IP6K1: variants seen among roughly 807,000 people sequenced by gnomAD.
IP6K1 encodes the protein ATP:1D-myo-inositol-hexakisphosphate phosphotransferase.
Under a neutral mutation model 38.3 loss-of-function variants are expected in IP6K1, and 13 were observed. The ratio of observed to expected loss-of-function variants is 0.34; its 90% CI spans 0.22 to 0.54. IP6K1 has a LOEUF of 0.54. Ranked by LOEUF, IP6K1 falls within the 20% of genes least tolerant of loss-of-function variation. The pLI is 0.92. For missense variants in IP6K1, 397 were observed against 599.8 expected, an observed-to-expected ratio of 0.66 and a Z score of 3.53; for synonymous variants, 212 against 229.9, an observed-to-expected ratio of 0.92 and a Z score of 0.70.
intron 1 of IP6K1, among the ~76,000 whole-genome samples, chr3:49,783,887 AAGTGC>A (rs2081089314): frequency 6.6e-6 from 1 of 152,146 alleles, no homozygotes; most frequent in African/African-American, 2.4e-5. Flanking sequence ...CTTGCCTCAC[AAGTGC>A]AGTATAAACT....
intron 1 of IP6K1, among the ~76,000 whole-genome samples, chr3:49,785,041 CAAG>C (rs1456950811): frequency 1.3e-5 from 2 of 152,144 alleles, no homozygotes; most frequent in Non-Finnish European, 1.5e-5. Flanking sequence ...TGACCACATA[CAAG>C]AAGACTGTAC....
chr3:49,745,976 T>C (rs983008901), intron 2 of IP6K1, among the ~76,000 whole-genome samples: 9 of 152,098 alleles, frequency 5.9e-5, no homozygotes, highest in Middle Eastern at 3.2e-3. Context: ...CATCATTCGT[T>C]AGACATTAGG....
At chr3:49,775,653 CT>C in intron 1 of IP6K1, 1 of 650,654 alleles carries the variant, frequency 1.5e-6, no homozygotes, top group East Asian at 3.8e-5. Context: ...CATCAAGCTG[CT>C]GCAGCGGCTA....
Position 49,759,314 on chromosome 3 carries a change from G to A in IP6K1, c.-128-11146C>T, listed in dbSNP as rs116487323. Reference sequence around the variant, plus strand: ...AAATTCTTCAGACACAGACACAGATGTATTCAGCTGCAGTTAGAGACTAAG... The same window carrying A: ...AAATTCTTCAGACACAGACACAGATATATTCAGCTGCAGTTAGAGACTAAG... On this transcript the variant is annotated intron_variant, in intron 1 of 5. Transcript: ENST00000321599. Among the ~76,000 whole-genome samples, 1,385 of 152,270 alleles carry A rather than the reference G, an allele frequency of 9.1e-3. 19 individuals are homozygous for A. Among genetic ancestry groups the A allele is most frequent in the African/African-American group, 0.032 (1,330 of 41,552 alleles).
intron 1 of IP6K1, among the ~76,000 whole-genome samples, chr3:49,778,017 CTTTT>C (rs904594984): frequency 6.8e-6 from 1 of 146,696 alleles, no homozygotes; most frequent in African/African-American, 2.5e-5. Context: ...AGTGAAATGA[CTTTT>C]TTTTTTTAAG....
chr3:49,779,239 T>C (rs541103599), intron 1 of IP6K1, among the ~76,000 whole-genome samples: 26 of 152,354 alleles, frequency 1.7e-4, no homozygotes, highest in Non-Finnish European at 3.1e-4. Flanking sequence ...TGTGAACTTT[T>C]GTATCTGACT....
chr3:49,773,480 G>A (rs1009852726), intron 1 of IP6K1, among the ~76,000 whole-genome samples: 5 of 152,166 alleles, frequency 3.3e-5, no homozygotes, highest in South Asian at 2.1e-4. Context: ...GCGTGGTGGC[G>A]GGCGCCTGTA....
chr3:49,727,734 G>T lies in IP6K1; in HGVS notation c.793-79C>A. 6.8e-7 allele frequency: 1 copy of T among 1,459,968 alleles called. No homozygotes were observed. Among genetic ancestry groups the T allele is most frequent in the East Asian group, 2.3e-5 (1 of 42,832 alleles). 90.4% of individuals were successfully genotyped at this position (1,459,968 alleles called of 1,614,324 possible). A position where few individuals can be genotyped will look rare whatever the true frequency, so the allele number is the denominator to read the frequency against. ...CAGTGCCCTGGGCAAACACTGTCTGGAAGGGACTTTGACCAACCTGAGCTT... is the reference window on the plus strand; with the variant it reads ...CAGTGCCCTGGGCAAACACTGTCTGTAAGGGACTTTGACCAACCTGAGCTT... On this transcript the variant is annotated intron_variant, in intron 5 of 5. Coordinates refer to ENST00000321599, the MANE Select transcript of IP6K1 (RefSeq NM_153273.4). This position sits in a 1 kb window ranked among gnomAD's most constrained non-coding sequence, Gnocchi z 5.9.
intron 1 of IP6K1, among the ~76,000 whole-genome samples, chr3:49,768,079 A>G (rs1299159756): frequency 6.6e-6 from 1 of 152,206 alleles, no homozygotes; most frequent in Non-Finnish European, 1.5e-5. Flanking sequence ...AAGGATATGA[A>G]GAAATTGTAA....
intron 1 of IP6K1, among the ~76,000 whole-genome samples, chr3:49,763,460 A>T (rs570059376): frequency 6.6e-6 from 1 of 152,306 alleles, no homozygotes; most frequent in South Asian, 2.1e-4. Flanking sequence ...AAAATAAATA[A>T]GAAAAAAGAT....
intron 1 of IP6K1, among the ~76,000 whole-genome samples, chr3:49,773,689 T>C (rs901429287): frequency 1.3e-5 from 2 of 152,240 alleles, no homozygotes; most frequent in African/African-American, 2.4e-5. Flanking sequence ...AGAAGCTTTT[T>C]AATATTCATT....
chr3:49,777,658 T>A (rs1056574444), intron 1 of IP6K1, among the ~76,000 whole-genome samples: 7 of 151,922 alleles, frequency 4.6e-5, no homozygotes, highest in Non-Finnish European at 8.8e-5. Context: ...CTCACGCCTG[T>A]AATCCCAGCA....
At chr3:49,750,841 ACATGAAGTCAT>A (rs1320564016) in intron 1 of IP6K1, among the ~76,000 whole-genome samples, 1 of 152,230 alleles carries the variant, frequency 6.6e-6, no homozygotes, top group Non-Finnish European at 1.5e-5. Flanking sequence ...TATGATGTCA[ACATGAAGTCAT>A]GGCATTGTTT....
At position 49,727,509 on chromosome 3, in the gene IP6K1, G is replaced by A; in HGVS notation, c.939C>T (p.Ser313=). Residue 313 remains serine (S), a synonymous_variant, in exon 6 of 6, where the codon AGC becomes AGT. Coordinates refer to ENST00000321599, the MANE Select transcript of IP6K1 (RefSeq NM_153273.4). This position sits in a 1 kb window ranked among gnomAD's most constrained non-coding sequence, Gnocchi z 5.9. ...GCACAGCTTTCAGGCCCCGCAGTTTGCTCAGGATAGGCTCAAACAGGTCAC... is the reference window on the plus strand; with the variant it reads ...GCACAGCTTTCAGGCCCCGCAGTTTACTCAGGATAGGCTCAAACAGGTCAC... ...LRRDLFEPIL[S]KLRGLKAVLE... The A allele has an allele frequency of 1.2e-6, 2 of 1,614,216 alleles. No individual in the cohort carries two copies. The highest frequency in any genetic ancestry group is 4.5e-5 in the East Asian group (2 of 44,888).
At chr3:49,769,166 C>T (rs2080935900) in intron 1 of IP6K1, among the ~76,000 whole-genome samples, 1 of 152,060 alleles carries the variant, frequency 6.6e-6, no homozygotes, top group Admixed American at 6.5e-5. Context: ...TTAGAAGGCT[C>T]AATATAGTTA....
rs2080484920 is a variant in IP6K1 at position 49,724,991 on chromosome 3, G to T, written c.*2131C>A. On this transcript the variant is annotated 3_prime_UTR_variant, in exon 6 of 6. Coordinates refer to ENST00000321599, the MANE Select transcript of IP6K1 (RefSeq NM_153273.4). Reference sequence around the variant, plus strand: ...GCAGGGACAGGGCTCTCTGGCATGGGGCAGGGAGAAAGCAGTGGCAGACAG... The same window carrying T: ...GCAGGGACAGGGCTCTCTGGCATGGTGCAGGGAGAAAGCAGTGGCAGACAG... 1 of 152,758 alleles carries T rather than the reference G, an allele frequency of 6.5e-6. No homozygotes were observed. The highest frequency in any genetic ancestry group is 1.5e-5 in the Non-Finnish European group (1 of 68,184). 9.5% of individuals were successfully genotyped at this position (152,758 alleles called of 1,614,324 possible). A position where few individuals can be genotyped will look rare whatever the true frequency, so the allele number is the denominator to read the frequency against.
chr3:49,767,535 C>T (rs1300580325), intron 1 of IP6K1, among the ~76,000 whole-genome samples: 8 of 151,780 alleles, frequency 5.3e-5, no homozygotes, highest in African/African-American at 1.7e-4. Flanking sequence ...GCAGAGATCA[C>T]GCCACTGCAC....
intron 1 of IP6K1, among the ~76,000 whole-genome samples, chr3:49,751,328 A>G (rs1227948156): frequency 6.6e-6 from 1 of 151,846 alleles, no homozygotes; most frequent in African/African-American, 2.4e-5. Context: ...CACCCAGCTA[A>G]TTTTTGTATT....
intron 4 of IP6K1, chr3:49,728,507 A>G (rs574658713): frequency 2.0e-6 from 1 of 503,552 alleles, no homozygotes; most frequent in African/African-American, 2.2e-5. Context: ...ATTCAGTGGC[A>G]TGAAGTACAT....
Sources: gnomAD v4.1 joint callset for allele counts (sites outside exome capture counted in the v4.1 genomes callset) on GRCh38, gnomAD v4.1.1 for gene constraint, Gnocchi (gnomAD v3.1) non-coding constraint, MANE v1.5 for transcripts, NCBI Gene and HGNC (gene_info 2026-07-23, HGNC 2026-07-21) for gene names.